Variants in PKHD1 observed in about 807,000 individuals in gnomAD.
PKHD1 encodes fibrocystin.
A neutral mutation model predicts 412.0 loss-of-function variants in PKHD1; 291 were observed. That is an observed-to-expected ratio of 0.71 (90% confidence interval 0.64 to 0.78). PKHD1 has a LOEUF of 0.78. Ranked by LOEUF, PKHD1 falls within the 30% of genes least tolerant of loss-of-function variation. The probability of loss-of-function intolerance (pLI) is 0.00; values close to 1 mark genes in which losing one functional copy is unlikely to be tolerated. For synonymous variants in PKHD1, 1,777 were observed against 1,821.5 expected (o/e 0.98, Z 0.62); for missense variants, 4,825 against 4,950.7 (o/e 0.97, Z 0.76).
At position 51,753,370 on chromosome 6, in the gene PKHD1, T is replaced by C. The variant is rs1311279404; in HGVS notation, c.8798-17A>G. The stretch of plus-strand genomic sequence containing the variant: ...GTACACTTCCTGGGGCAATAGGAGT[T>C]GTGGGAAAAAAAAACTTTAAAAACC... On this transcript the variant is annotated splice_polypyrimidine_tract_variant and intron_variant, in intron 56 of 66. Coordinates refer to ENST00000371117, the MANE Select transcript of PKHD1 (RefSeq NM_138694.4). 1 of 1,609,450 alleles carries C rather than the reference T, an allele frequency of 6.2e-7. No individual in the cohort carries two copies. The highest frequency in any genetic ancestry group is 8.5e-7 in the Non-Finnish European group (1 of 1,177,908).
intron 36 of PKHD1, among the ~76,000 whole-genome samples, chr6:51,938,121 G>A (rs977358080): frequency 2.6e-5 from 1 of 37,918 alleles, no homozygotes; most frequent in African/African-American, 1.5e-4. Context: ...AGGATTATAA[G>A]AGGTGCCAAA....
Position 51,950,220 on chromosome 6 carries a change from A to AAAAATATATATATATATATAT in PKHD1, c.5908+9649_5908+9650insATATATATATATATATATTTT. Among the ~76,000 whole-genome samples the AAAAATATATATATATATATAT allele has an allele frequency of 8.8e-4, 86 of 98,256 alleles. 1 individual carries two copies. The highest frequency in any genetic ancestry group is 3.2e-3 in the Admixed American group (24 of 7,520). 64.5% of individuals were successfully genotyped at this position (98,256 alleles called of 152,430 possible). On this transcript the variant is annotated intron_variant, in intron 36 of 66. Coordinates refer to ENST00000371117, the MANE Select transcript of PKHD1 (RefSeq NM_138694.4). Reference sequence around the variant, plus strand: ...AATGGGCAATATAGAGAAAAAAAAAAATATATATATATATATATATGAAAT... The same window carrying AAAAATATATATATATATATAT: ...AATGGGCAATATAGAGAAAAAAAAAAAAAATATATATATATATATATATATATATATATATATATATGAAAT...
chr6:51,880,650 A>T (rs1406516528), intron 46 of PKHD1, among the ~76,000 whole-genome samples: 10 of 31,406 alleles, frequency 3.2e-4, no homozygotes, highest in African/African-American at 1.3e-3. Context: ...TAGCATTGGG[A>T]GATATACCTA....
intron 53 of PKHD1, among the ~76,000 whole-genome samples, chr6:51,776,982 T>C (rs1421723302): frequency 6.6e-6 from 1 of 151,960 alleles, no homozygotes; most frequent in Non-Finnish European, 1.5e-5. Flanking sequence ...TGTCTTAGAG[T>C]ACAAAAATAC....
intron 46 of PKHD1, among the ~76,000 whole-genome samples, chr6:51,872,875 CTTTTTTTTTT>C (rs33953182): frequency 1.2e-5 from 1 of 81,492 alleles, no homozygotes; most frequent in Non-Finnish European, 2.2e-5. Flanking sequence ...CCATCGTTTC[CTTTTTTTTTT>C]TTTTTTTTTT....
intron 36 of PKHD1, among the ~76,000 whole-genome samples, chr6:51,958,911 A>G (rs1298058711): frequency 6.6e-6 from 1 of 152,004 alleles, no homozygotes; most frequent in African/African-American, 2.4e-5. Flanking sequence ...GGCACTAATT[A>G]ACTGATTTGA....
intron 63 of PKHD1, among the ~76,000 whole-genome samples, chr6:51,646,861 C>T (rs1445499757): frequency 6.6e-6 from 1 of 152,184 alleles, no homozygotes; most frequent in Non-Finnish European, 1.5e-5. Context: ...AGGAGGTTCA[C>T]TCTTGCCATT....
At chr6:51,788,551 G>A (rs1224615436) in intron 53 of PKHD1, among the ~76,000 whole-genome samples, 1 of 151,878 alleles carries the variant, frequency 6.6e-6, no homozygotes, top group Non-Finnish European at 1.5e-5. Flanking sequence ...TTCCTTCCAT[G>A]TACTGGTTAA....
In PKHD1 at chr6:51,758,469, G is replaced by A. The variant is rs1042610139; in HGVS notation, c.8643-3531C>T. ...CATTATGGTTACCCTTCAATCATAC[G>A]AACTAGCTTAACGACTGGCTCAAAA... On this transcript the variant is annotated intron_variant, in intron 55 of 66. Coordinates refer to ENST00000371117, the MANE Select transcript of PKHD1 (RefSeq NM_138694.4). Among the ~76,000 whole-genome samples the A allele has an allele frequency of 3.2e-4, 48 of 152,148 alleles. 2 individuals are homozygous for A. The highest frequency in any genetic ancestry group is 3.3e-4 in the Admixed American group (5 of 15,258).
intron 33 of PKHD1, among the ~76,000 whole-genome samples, chr6:52,019,265 C>T (rs1254435395): frequency 6.6e-6 from 1 of 152,202 alleles, no homozygotes; most frequent in East Asian, 1.9e-4. Flanking sequence ...TGTGCTTCCC[C>T]GCCTCATTAC....
intron 35 of PKHD1, among the ~76,000 whole-genome samples, chr6:51,968,998 T>C (rs1242113487): frequency 6.6e-6 from 1 of 152,190 alleles, no homozygotes; most frequent in East Asian, 1.9e-4. Context: ...GATTAGGTTA[T>C]GTTATATGGT....
chr6:51,794,307 T>C (rs1267971468), intron 52 of PKHD1, among the ~76,000 whole-genome samples: 1 of 152,172 alleles, frequency 6.6e-6, no homozygotes, highest in East Asian at 1.9e-4. Flanking sequence ...TTTTCATATG[T>C]CTGTTGGCTG....
chr6:51,930,589 AAGG>A lies in PKHD1; in HGVS notation c.6121+3518_6121+3520del, dbSNP rs767632742. Among the ~76,000 whole-genome samples the A allele has an allele frequency of 9.8e-5, 15 of 152,348 alleles. No homozygotes were observed. In the East Asian group the frequency reaches 2.5e-3, roughly 25 times the overall value. ...AGAGCAATAATAAAGAATGAGATGG[AAGG>A]AGAAGGTGGGAAAGTGATCGGACTG... On this transcript the variant is annotated intron_variant, in intron 37 of 66. Transcript: ENST00000371117.
intron 52 of PKHD1, among the ~76,000 whole-genome samples, chr6:51,830,263 G>GA (rs1171659563): frequency 6.3e-5 from 7 of 110,594 alleles, no homozygotes; most frequent in Non-Finnish European, 1.2e-4. Flanking sequence ...CTTTAAATAA[G>GA]AAGATTTTAT....
At chr6:51,934,396 G>T in intron 36 of PKHD1, 74 bp from the exon 37 acceptor site, 1 of 891,268 alleles carries the variant, frequency 1.1e-6, no homozygotes, top group Non-Finnish European at 1.9e-6. Context: ...AATGCCTGAT[G>T]AAATCCCCTT....
chr6:51,723,638 TG>T (rs2150841922), intron 60 of PKHD1, among the ~76,000 whole-genome samples: 1 of 152,332 alleles, frequency 6.6e-6, no homozygotes, highest in Admixed American at 6.5e-5. Flanking sequence ...AAATTGATGG[TG>T]AAATGTTATT....
chr6:51,930,071 A>G (rs1168407739), intron 37 of PKHD1, among the ~76,000 whole-genome samples: 1 of 152,178 alleles, frequency 6.6e-6, no homozygotes, highest in Non-Finnish European at 1.5e-5. Flanking sequence ...GTTGTCAAAA[A>G]TTTAAGTTGC....
At chr6:51,807,716 T>C (rs1267871814) in intron 52 of PKHD1, among the ~76,000 whole-genome samples, 1 of 152,042 alleles carries the variant, frequency 6.6e-6, no homozygotes, top group Admixed American at 6.6e-5. Flanking sequence ...AAGCCAAGCA[T>C]GTATTTTACA....
Position 51,909,567 on chromosome 6 carries a change from G to A in PKHD1, c.6491-93C>T, listed in dbSNP as rs982107717. On this transcript the variant is annotated intron_variant, in intron 39 of 66. Coordinates refer to ENST00000371117, the MANE Select transcript of PKHD1 (RefSeq NM_138694.4). ...TTTGAAAGGTACTGTCAGCACCGAG[G>A]AAAAACCATTACTGTTTATTTCATT... 1.7e-5 allele frequency: 15 copies of A among 903,718 alleles called. No homozygotes were observed. The African/African-American group carries it at 2.3e-4, about 14-fold the overall frequency. 56.0% of individuals were successfully genotyped at this position (903,718 alleles called of 1,614,324 possible).
Sources: allele counts gnomAD v4.1 joint callset (sites outside exome capture counted in the v4.1 genomes callset), GRCh38; gene constraint gnomAD v4.1.1; transcripts MANE v1.5; gene names NCBI Gene and HGNC (gene_info 2026-07-23, HGNC 2026-07-21).